DMD: variants seen among roughly 807,000 people sequenced by gnomAD.
DMD encodes mutant dystrophin.
In DMD, 63 loss-of-function variants were observed where a neutral mutation model predicts 330.1. That is an observed-to-expected ratio of 0.19 (90% CI 0.16 to 0.24). The LOEUF is 0.24. Ranked by LOEUF, DMD falls within the 10% of genes least tolerant of loss-of-function variation. The probability of loss-of-function intolerance (pLI) is 1.00; values close to 1 mark genes in which losing one functional copy is unlikely to be tolerated. For missense variants in DMD, 3,344 were observed against 2,684.1 expected (o/e 1.25, Z -5.43); for synonymous variants, 1,223 against 959.8 (o/e 1.27, Z -5.07).
At chrX:31,321,477 C>T (rs913848992) in intron 62 of DMD, among the ~76,000 whole-genome samples, 3 of 102,135 alleles carry the variant, frequency 2.9e-5, no homozygotes, top group Non-Finnish European at 5.9e-5. Flanking sequence ...CTCAGCTACT[C>T]GGGAGCTAAG....
chrX:32,674,860 T>G (rs2061866960), intron 9 of DMD, among the ~76,000 whole-genome samples: 1 of 111,413 alleles, frequency 9.0e-6, no homozygotes, highest in African/African-American at 3.3e-5. Context: ...ATTAAACCCT[T>G]GAGCAAACCT....
At chrX:31,514,258 A>C (rs895057097) in intron 55 of DMD, among the ~76,000 whole-genome samples, 2 of 112,044 alleles carry the variant, frequency 1.8e-5, no homozygotes, top group African/African-American at 6.5e-5. Flanking sequence ...TAAAAGAAAC[A>C]TTTGGCCTAA....
intron 62 of DMD, among the ~76,000 whole-genome samples, chrX:31,293,214 T>TGA (rs2053878717): frequency 2.7e-4 from 25 of 91,005 alleles, no homozygotes; most frequent in African/African-American, 1.2e-3. Context: ...AGTGTGTGTG[T>TGA]GTGTGTGTGT....
chrX:32,046,193 G>C lies in DMD; in HGVS notation c.6439-77679C>G, dbSNP rs2096063355. On this transcript the variant is annotated intron_variant, in intron 44 of 78. Coordinates refer to ENST00000357033, the MANE Select transcript of DMD (RefSeq NM_004006.3). ...TAGGAAAATACATACCTACATTTAT[G>C]GCCTGAAAACCAGCATCAGCTATGT... Among the ~76,000 whole-genome samples the C allele has an allele frequency of 2.7e-5, 3 of 111,884 alleles. No homozygotes were observed. The Admixed American group carries it at 2.8e-4, about 11-fold the overall frequency.
chrX:32,945,066 T>C (rs932216625), intron 2 of DMD, among the ~76,000 whole-genome samples: 1 of 111,325 alleles, frequency 9.0e-6, no homozygotes, highest in Non-Finnish European at 1.9e-5. Flanking sequence ...AATTTAAATT[T>C]TATGTGTTTC....
intron 19 of DMD, among the ~76,000 whole-genome samples, chrX:32,494,288 C>T (rs1053826053): frequency 9.9e-5 from 11 of 111,331 alleles, no homozygotes; most frequent in Non-Finnish European, 1.5e-4. Context: ...ATTCATAACA[C>T]TGAAATTTAT....
intron 2 of DMD, among the ~76,000 whole-genome samples, chrX:32,923,556 T>TAAAAA (rs1390785111): frequency 2.9e-5 from 3 of 104,504 alleles, no homozygotes; most frequent in African/African-American, 1.0e-4. Context: ...AGTGAGATCT[T>TAAAAA]AAAAAAAAAA....
rs1027557427 is a variant in DMD, at chrX:33,322,475, G to GC, written c.7+16783dup. Among the ~76,000 whole-genome samples the GC allele has an allele frequency of 8.1e-5, 9 of 111,039 alleles. No individual in the cohort carries two copies. The East Asian group carries it at 2.6e-3, about 32-fold the overall frequency. On this transcript the variant is annotated intron_variant, in intron 1 of 17. Coordinates refer to the DMD transcript ENST00000288447. ...ATTTCATATGGGCATGACTCATGTT[G>GC]CCCCCAAAAATGACAATAGTAACTT... is the stretch of plus-strand genomic sequence containing the variant.
chrX:32,675,021 A>T (rs2061878510), intron 9 of DMD, among the ~76,000 whole-genome samples: 1 of 111,701 alleles, frequency 9.0e-6, no homozygotes, highest in Non-Finnish European at 1.9e-5. Flanking sequence ...ATATGTACTT[A>T]TATCATCTTC....
chrX:32,960,563 T>G (rs1383560601), intron 2 of DMD, among the ~76,000 whole-genome samples: 1 of 111,614 alleles, frequency 9.0e-6, no homozygotes, highest in Non-Finnish European at 1.9e-5. Flanking sequence ...AATCCCACCT[T>G]TCCACTTTTT....
chrX:32,478,347 A>C (rs774100100), intron 21 of DMD, among the ~76,000 whole-genome samples: 2 of 111,919 alleles, frequency 1.8e-5, no homozygotes, highest in South Asian at 3.7e-4. Flanking sequence ...ATTCCATGCC[A>C]ACCAGATCCC....
chrX:32,924,538 T>C (rs916006505), intron 2 of DMD, among the ~76,000 whole-genome samples: 3 of 111,098 alleles, frequency 2.7e-5, no homozygotes, highest in African/African-American at 6.6e-5. Flanking sequence ...AAGATAAAAA[T>C]AAAAAATAAA....
chrX:32,629,707 G>GT (rs1022394903), intron 11 of DMD, among the ~76,000 whole-genome samples: 2 of 108,650 alleles, frequency 1.8e-5, no homozygotes, highest in Admixed American at 9.9e-5. Context: ...TTGATTTGTG[G>GT]TAACTATGAG....
chrX:31,609,416 T>G (rs190115895), intron 55 of DMD, among the ~76,000 whole-genome samples: 128 of 111,366 alleles, frequency 1.1e-3, no homozygotes, highest in Non-Finnish European at 2.3e-3. Flanking sequence ...ATCATGAGAT[T>G]TAGTCACTTC....
intron 60 of DMD, among the ~76,000 whole-genome samples, chrX:31,401,080 T>C (rs1243992167): frequency 8.9e-6 from 1 of 111,785 alleles, no homozygotes; most frequent in Non-Finnish European, 1.9e-5. Context: ...AGGGATTTTA[T>C]AGGGTCGAAT....
intron 1 of DMD, among the ~76,000 whole-genome samples, chrX:33,130,606 G>A (rs1479561113): frequency 9.2e-6 from 1 of 108,973 alleles, no homozygotes; most frequent in Non-Finnish European, 1.9e-5. Flanking sequence ...CCAGGTTGGA[G>A]TGCAATGGCG....
At chrX:31,154,284 T>TTA (rs1569361464) in intron 74 of DMD, among the ~76,000 whole-genome samples, 2 of 110,834 alleles carry the variant, frequency 1.8e-5, no homozygotes, top group African/African-American at 6.6e-5. Flanking sequence ...TTCTAATGTT[T>TTA]TTTTTTTATT....
intron 11 of DMD, among the ~76,000 whole-genome samples, chrX:32,624,716 T>C (rs934784951): frequency 3.6e-5 from 4 of 111,766 alleles, no homozygotes; most frequent in Non-Finnish European, 7.5e-5. Flanking sequence ...CACTTTGAGT[T>C]GGCCTTTTTG....
chrX:33,241,364 T>C (rs2052584116), intron 1 of DMD, among the ~76,000 whole-genome samples: 1 of 112,269 alleles, frequency 8.9e-6, no homozygotes, highest in African/African-American at 3.2e-5. Context: ...CAGCTGGCTA[T>C]AATTCTGTGG....
Sources: allele counts gnomAD v4.1 joint callset (sites outside exome capture counted in the v4.1 genomes callset), GRCh38; gene constraint gnomAD v4.1.1; transcripts MANE v1.5; gene names NCBI Gene and HGNC (gene_info 2026-07-23, HGNC 2026-07-21).